The following CLTRN variants were observed in gnomAD, a reference collection of about 807,000 sequenced individuals.
CLTRN encodes collectrin, amino acid transport regulator.
Under a neutral mutation model 14.5 loss-of-function variants are expected in CLTRN, and 12 were observed. The ratio of observed to expected loss-of-function variants is 0.83; its 90% confidence interval spans 0.53 to 1.34. The LOEUF (loss-of-function observed/expected upper bound fraction) is 1.34. Ranked by LOEUF, CLTRN falls within the 40% of genes most tolerant of loss-of-function variation. The pLI is 0.00. For synonymous variants in CLTRN, 58 were observed against 56.5 expected (o/e 1.03, Z -0.12); for missense variants, 154 against 165.1 (o/e 0.93, Z 0.37).
chrX:15,632,816 G>A (rs762692843), intron 5 of CLTRN, among the ~76,000 whole-genome samples: 70 of 104,264 alleles, frequency 6.7e-4, no homozygotes, highest in African/African-American at 2.1e-3. Context: ...CCCGGGAGGC[G>A]GAGCTTGCAG....
chrX:15,660,366 G>T (rs1291668763), intron 2 of CLTRN, among the ~76,000 whole-genome samples: 1 of 110,821 alleles, frequency 9.0e-6, no homozygotes, highest in Non-Finnish European at 1.9e-5. Context: ...TGCTGTCCAG[G>T]CTGGTCTCAA....
At chrX:15,638,652 T>C (rs1835115577) in intron 5 of CLTRN, among the ~76,000 whole-genome samples, 1 of 111,883 alleles carries the variant, frequency 8.9e-6, no homozygotes, top group Non-Finnish European at 1.9e-5. Context: ...CTGAGGATTT[T>C]TCCATCTTCC....
chrX:15,667,202 A>C (rs183374455), upstream of CLTRN, among the ~76,000 whole-genome samples: 11 of 110,375 alleles, frequency 1.0e-4, no homozygotes, highest in Non-Finnish European at 1.9e-5. Context: ...GTGCCACTGC[A>C]CTCCAGCCGG....
chrX:15,663,986 A>G (rs1226571726), intron 2 of CLTRN, among the ~76,000 whole-genome samples: 6 of 111,937 alleles, frequency 5.4e-5, no homozygotes, highest in Non-Finnish European at 1.1e-4. Flanking sequence ...GAGGCTAACA[A>G]AATTCAAATG....
At chrX:15,666,171 CA>C (rs1342305720), upstream of CLTRN, among the ~76,000 whole-genome samples, 5 of 111,757 alleles carry the variant, frequency 4.5e-5, no homozygotes, top group Non-Finnish European at 7.5e-5. Context: ...ATCTGTACAC[CA>C]AACTCCAGTG....
At position 15,645,106 on chromosome X, in the gene CLTRN, C is replaced by G; in HGVS notation, c.204-77G>C. 7 of 562,418 alleles carry G rather than the reference C, an allele frequency of 1.2e-5. No homozygotes were observed. The South Asian group carries it at 2.3e-4, about 19-fold the overall frequency. 46.3% of individuals were successfully genotyped at this position (562,418 alleles called of 1,213,427 possible). On this transcript the variant is annotated intron_variant, in intron 3 of 5. Transcript: ENST00000380342. ...CATTAAACCGTTCACTCTGATGCTACTACTATCTTAAGAGACATCTTAGCT... is the reference window on the plus strand; with the variant it reads ...CATTAAACCGTTCACTCTGATGCTAGTACTATCTTAAGAGACATCTTAGCT...
intron 5 of CLTRN, among the ~76,000 whole-genome samples, chrX:15,634,942 AAAAT>A (rs200118112): frequency 0.024 from 2,531 of 107,229 alleles, 33 homozygotes; most frequent in Middle Eastern, 0.057. Flanking sequence ...ATAATAATAA[AAAAT>A]AAATAAATAA....
chrX:15,639,490 C>T lies in CLTRN; in HGVS notation c.512+72G>A, dbSNP rs1928888107. Reference sequence around the variant, plus strand: ...GCATTATCTTCAGCCAGAGGAAAATCCTCTCCTGATTTGTCCAAGTCATGA... The same window carrying T: ...GCATTATCTTCAGCCAGAGGAAAATTCTCTCCTGATTTGTCCAAGTCATGA... On this transcript the variant is annotated intron_variant, in intron 5 of 5. Coordinates refer to ENST00000380342, the MANE Select transcript of CLTRN (RefSeq NM_020665.6). The T allele has an allele frequency of 4.1e-6, 4 of 973,551 alleles. No homozygotes were observed. In the African/African-American group the frequency reaches 7.9e-5, roughly 19 times the overall value. 80.2% of individuals were successfully genotyped at this position (973,551 alleles called of 1,213,427 possible).
intron 3 of CLTRN, among the ~76,000 whole-genome samples, chrX:15,651,024 G>A (rs754232515): frequency 9.0e-6 from 1 of 111,516 alleles, no homozygotes; most frequent in Non-Finnish European, 1.9e-5. Context: ...CTAATACCCA[G>A]GCAACAGGGA....
intron 2 of CLTRN, 76 bp downstream of exon 2, chrX:15,664,261 A>G: frequency 1.4e-6 from 1 of 713,346 alleles, no homozygotes; most frequent in Non-Finnish European, 2.1e-6. Context: ...AACTATGCAG[A>G]CAGGCCCATT....
intron 4 of CLTRN, among the ~76,000 whole-genome samples, chrX:15,643,626 G>A (rs758919401): frequency 8.9e-6 from 1 of 112,043 alleles, no homozygotes; most frequent in African/African-American, 3.2e-5. Flanking sequence ...CTCCCTAAGT[G>A]GTGAGAGTCT....
At position 15,644,682 on chromosome X, in the gene CLTRN, T is replaced by C. The variant is rs372064036; in HGVS notation, c.317+234A>G. Among the ~76,000 whole-genome samples the C allele has an allele frequency of 8.9e-5, 10 of 111,834 alleles. No individual in the cohort carries two copies. In the East Asian group the frequency reaches 2.2e-3, roughly 25 times the overall value. Reference sequence around the variant, plus strand: ...GTGACAATAAAAATGTCTCCAGACATTGCGAAATGTCTCCAGATATTGCCA... The same window carrying C: ...GTGACAATAAAAATGTCTCCAGACACTGCGAAATGTCTCCAGATATTGCCA... On this transcript the variant is annotated intron_variant, in intron 4 of 5. Transcript: ENST00000380342.
Position 15,664,395 on chromosome X carries a change from C to G in CLTRN, c.59G>C (p.Gly20Ala). The G allele has an allele frequency of 8.5e-7, 1 of 1,181,240 alleles. No individual in the cohort carries two copies. Among genetic ancestry groups the G allele is most frequent in the Non-Finnish European group, 1.1e-6 (1 of 877,315 alleles). ...TAIHAELCQP[G>A]AENAFKVRLS... Reference sequence around the variant, plus strand: ...TCTCACTTTAAAAGCATTTTCTGCACCTGCCAGAAAAGAAAAAAGAAAGAG... The same window carrying G: ...TCTCACTTTAAAAGCATTTTCTGCAGCTGCCAGAAAAGAAAAAAGAAAGAG... Residue 20 changes from glycine to alanine, a missense_variant and splice_region_variant, in exon 2 of 6, where the codon GGT becomes GCT. Coordinates refer to ENST00000380342, the MANE Select transcript of CLTRN (RefSeq NM_020665.6).
At chrX:15,631,130 G>C (rs925036811) in intron 5 of CLTRN, among the ~76,000 whole-genome samples, 1 of 112,124 alleles carries the variant, frequency 8.9e-6, no homozygotes, top group African/African-American at 3.2e-5. Context: ...CTTTATAAGA[G>C]AGAGGAATGT....
At position 15,643,775 on chromosome X, in the gene CLTRN, C is replaced by A. The variant is rs747070588; in HGVS notation, c.317+1141G>T. Among the ~76,000 whole-genome samples the A allele has an allele frequency of 1.1e-4, 12 of 112,246 alleles. No homozygotes were observed. In the South Asian group the frequency reaches 2.9e-3, roughly 27 times the overall value. ...AAGAAATAGATGATGTTCACAAAAACCTTTGACATTTGATTATATACTCAT... is the reference window on the plus strand; with the variant it reads ...AAGAAATAGATGATGTTCACAAAAAACTTTGACATTTGATTATATACTCAT... On this transcript the variant is annotated intron_variant, in intron 4 of 5. Coordinates refer to ENST00000380342, the MANE Select transcript of CLTRN (RefSeq NM_020665.6).
chrX:15,639,863 AGCATCCTCCTG>A lies in CLTRN; in HGVS notation c.318-118_318-108del, dbSNP rs757182042. ...TGATTATAAATATCTCTATAAACAA[AGCATCCTCCTG>A]GCAGGAGACTTCAAGTTGACTAAAA... On this transcript the variant is annotated intron_variant, in intron 4 of 5. Coordinates refer to ENST00000380342, the MANE Select transcript of CLTRN (RefSeq NM_020665.6). 7 of 785,330 alleles carry A rather than the reference AGCATCCTCCTG, an allele frequency of 8.9e-6. No homozygotes were observed. In the African/African-American group the frequency reaches 1.1e-4, roughly 12 times the overall value. The allele number at this position is 785,330 out of a possible 1,213,427, so 64.7% of individuals were successfully genotyped here.
intron 5 of CLTRN, among the ~76,000 whole-genome samples, chrX:15,632,815 C>T (rs1348427648): frequency 1.3e-4 from 12 of 91,566 alleles, no homozygotes; most frequent in Non-Finnish European, 2.1e-4. Context: ...ACCCGGGAGG[C>T]GGAGCTTGCA....
chrX:15,641,051 A>G (rs2147200084), intron 4 of CLTRN, among the ~76,000 whole-genome samples: 1 of 112,497 alleles, frequency 8.9e-6, no homozygotes, highest in South Asian at 3.6e-4. Flanking sequence ...GAGCACAGGA[A>G]TGGAAACAAG....
intron 3 of CLTRN, among the ~76,000 whole-genome samples, chrX:15,655,780 G>T (rs995773818): frequency 1.9e-4 from 21 of 111,701 alleles, no homozygotes; most frequent in Non-Finnish European, 3.6e-4. Context: ...GCAACTTGAC[G>T]GAGTCCTGAG....
Sources: gnomAD v4.1 joint callset for allele counts (sites outside exome capture counted in the v4.1 genomes callset) on GRCh38, gnomAD v4.1.1 for gene constraint, MANE v1.5 for transcripts, NCBI Gene and HGNC (gene_info 2026-07-23, HGNC 2026-07-21) for gene names.